Variants in BAIAP2L1 observed in about 807,000 individuals in gnomAD.
The protein encoded by BAIAP2L1 is BAR/IMD domain containing adaptor protein 2 like 1.
Under a neutral mutation model 66.3 loss-of-function variants are expected in BAIAP2L1, and 35 were observed. The observed-to-expected ratio is 0.53, with a 90% confidence interval of 0.40 to 0.70. The LOEUF is 0.70. BAIAP2L1 is among the 30% of genes least tolerant of loss of function. The pLI is 0.00. For missense variants in BAIAP2L1, 622 were observed against 656.9 expected (o/e 0.95, Z 0.58); for synonymous variants, 269 against 248.7 (o/e 1.08, Z -0.77).
chr7:98,343,692 C>T (rs971184479), intron 3 of BAIAP2L1, among the ~76,000 whole-genome samples: 1 of 152,078 alleles, frequency 6.6e-6, no homozygotes. Flanking sequence ...AAAAGGATAC[C>T]AAATCCCTCA....
In BAIAP2L1 at chr7:98,292,982, C is replaced by T. The variant is rs1800033493; in HGVS notation, c.*539G>A. On this transcript the variant is annotated 3_prime_UTR_variant, in exon 14 of 14. Coordinates refer to ENST00000005260, the MANE Select transcript of BAIAP2L1 (RefSeq NM_018842.5). ...AGGGAGGGTGGGGGTTTCTCCATCT[C>T]TGGAAGCTCTACACTTAAACATTTT... 8.3e-7 allele frequency: 1 copy of T among 1,198,388 alleles called. No individual in the cohort carries two copies. The allele number at this position is 1,198,388 out of a possible 1,614,324, so 74.2% of individuals were successfully genotyped here.
chr7:98,308,113 C>T (rs1427741350), intron 9 of BAIAP2L1: 6 of 674,584 alleles, frequency 8.9e-6, no homozygotes, highest in African/African-American at 1.8e-5. Context: ...AGGCATGCAC[C>T]GTGCAGAAGA....
At chr7:98,371,009 C>A (rs998880475) in intron 1 of BAIAP2L1, among the ~76,000 whole-genome samples, 2 of 152,088 alleles carry the variant, frequency 1.3e-5, no homozygotes, top group Non-Finnish European at 2.9e-5. Context: ...GTAGTTGAGG[C>A]AAAGGTCGGT....
At chr7:98,393,076 C>T (rs59854442) in intron 1 of BAIAP2L1, among the ~76,000 whole-genome samples, 96,126 of 127,568 alleles carry the variant, frequency 0.75, 37,778 homozygotes, top group Non-Finnish European at 0.81. Context: ...TATATGTATA[C>T]ACACACATAT....
rs982074230 is a variant in BAIAP2L1 at position 98,348,785 on chromosome 7, C to T, written c.214+6257G>A. On this transcript the variant is annotated intron_variant, in intron 3 of 13. Transcript: ENST00000005260. ...TCATTTCATCTAATGACCTGGAAGG[C>T]GTGGCTGTCACCTCCATGGTGAGTA... 6.6e-5 allele frequency among the ~76,000 whole-genome samples: 10 copies of T among 152,198 alleles called. No individual in the cohort carries two copies. The East Asian group carries it at 1.2e-3, about 18-fold the overall frequency.
intron 3 of BAIAP2L1, among the ~76,000 whole-genome samples, chr7:98,337,735 G>T (rs1180109687): frequency 6.6e-6 from 1 of 151,902 alleles, no homozygotes; most frequent in Admixed American, 6.6e-5. Context: ...GGCCAACATG[G>T]TGAAACCCCA....
At position 98,307,908 on chromosome 7, in the gene BAIAP2L1, A is replaced by G; in HGVS notation, c.956-12T>C. 1.2e-6 allele frequency: 2 copies of G among 1,613,832 alleles called. No homozygotes were observed. Among genetic ancestry groups the G allele is most frequent in the Non-Finnish European group, 1.7e-6 (2 of 1,179,720 alleles). Reference sequence around the variant, plus strand: ...ATCTTCGGAAGTACCTGTTGGAGGGAGTGTAGCAGTAATGGCTTTTCAAAG... The same window carrying G: ...ATCTTCGGAAGTACCTGTTGGAGGGGGTGTAGCAGTAATGGCTTTTCAAAG... On this transcript the variant is annotated splice_polypyrimidine_tract_variant and intron_variant, in intron 9 of 13. Transcript: ENST00000005260.
intron 3 of BAIAP2L1, among the ~76,000 whole-genome samples, chr7:98,326,510 G>A (rs750517534): frequency 1.3e-5 from 2 of 152,130 alleles, no homozygotes; most frequent in African/African-American, 2.4e-5. Flanking sequence ...CACAAGAGCC[G>A]GCTTGAAGGA....
In BAIAP2L1 at chr7:98,346,997, C is replaced by T. The variant is rs78237873; in HGVS notation, c.214+8045G>A. 8.1e-3 allele frequency among the ~76,000 whole-genome samples: 493 copies of T among 60,890 alleles called. 2 individuals are homozygous for T. The highest frequency in any genetic ancestry group is 0.062 in the Middle Eastern group (5 of 80). 39.9% of individuals were successfully genotyped at this position (60,890 alleles called of 152,430 possible). The stretch of plus-strand genomic sequence containing the variant: ...TTCAGGGAAAGCGATGCCAGCAAAA[C>T]AACAACAACAACAACAACAACAACA... On this transcript the variant is annotated intron_variant, in intron 3 of 13. Transcript: ENST00000005260.
At chr7:98,361,391 G>A (rs897661931) in intron 2 of BAIAP2L1, among the ~76,000 whole-genome samples, 8 of 151,612 alleles carry the variant, frequency 5.3e-5, no homozygotes, top group Admixed American at 1.3e-4. Flanking sequence ...AGAAAGAAGA[G>A]ATAAGAAGAT....
At chr7:98,398,275 T>C (rs1271421735) in intron 1 of BAIAP2L1, among the ~76,000 whole-genome samples, 1 of 152,148 alleles carries the variant, frequency 6.6e-6, no homozygotes, top group Admixed American at 6.6e-5. Context: ...AAGCTTAAAC[T>C]GTTTTCAGCT....
At position 98,304,391 on chromosome 7, in the gene BAIAP2L1, G is replaced by C. The variant is rs913882549; in HGVS notation, c.1242-15C>G. ...CTGGTGTGGGGCTCAAACCCAAAAAGGACACAGCACGTGTTAGATAATGTC... is the reference window on the plus strand; with the variant it reads ...CTGGTGTGGGGCTCAAACCCAAAAACGACACAGCACGTGTTAGATAATGTC... On this transcript the variant is annotated splice_polypyrimidine_tract_variant and intron_variant, in intron 11 of 13. Coordinates refer to ENST00000005260, the MANE Select transcript of BAIAP2L1 (RefSeq NM_018842.5). 6.2e-7 allele frequency: 1 copy of C among 1,613,264 alleles called. No individual in the cohort carries two copies. The highest frequency in any genetic ancestry group is 8.5e-7 in the Non-Finnish European group (1 of 1,179,636).
At chr7:98,398,325 A>G (rs1489363909) in intron 1 of BAIAP2L1, among the ~76,000 whole-genome samples, 1 of 152,170 alleles carries the variant, frequency 6.6e-6, no homozygotes, top group Non-Finnish European at 1.5e-5. Context: ...GGAAGAACCC[A>G]ATACAGGGGC....
At chr7:98,397,114 A>G (rs1454421755) in intron 1 of BAIAP2L1, among the ~76,000 whole-genome samples, 4 of 152,096 alleles carry the variant, frequency 2.6e-5, no homozygotes. Flanking sequence ...ATTCTAAGGT[A>G]GTGTTATGGG....
chr7:98,304,599 G>A (rs7802794), intron 11 of BAIAP2L1, among the ~76,000 whole-genome samples: 1 of 151,902 alleles, frequency 6.6e-6, no homozygotes, highest in African/African-American at 2.4e-5. Flanking sequence ...CCAGGCTGGA[G>A]TGCAATGACA....
At chr7:98,398,016 C>CT (rs1204795904) in intron 1 of BAIAP2L1, among the ~76,000 whole-genome samples, 1 of 152,160 alleles carries the variant, frequency 6.6e-6, no homozygotes, top group Non-Finnish European at 1.5e-5. Flanking sequence ...GATCATTCTA[C>CT]TTTATAATTC....
chr7:98,304,213 G>A lies in BAIAP2L1; in HGVS notation c.1405C>T (p.Pro469Ser). 6.2e-7 allele frequency: 1 copy of A among 1,605,250 alleles called. No individual in the cohort carries two copies. Among genetic ancestry groups the A allele is most frequent in the Non-Finnish European group, 8.5e-7 (1 of 1,175,562 alleles). Reference sequence around the variant, plus strand: ...TTACTCACAGGAGCCGCGGTCTCGGGCTTGGACGCTGGGGCCTTAAAGGTG... The same window carrying A: ...TTACTCACAGGAGCCGCGGTCTCGGACTTGGACGCTGGGGCCTTAAAGGTG... Reference protein sequence around the residue: ...TSTFKAPASKPETAAPNDANG... With the variant: ...TSTFKAPASKSETAAPNDANG... The change falls in exon 12 of 14, where the codon CCC (proline) becomes TCC (serine). Residue 469 changes from proline (P) to serine (S), a missense_variant. Coordinates refer to ENST00000005260, the MANE Select transcript of BAIAP2L1 (RefSeq NM_018842.5).
chr7:98,378,297 G>C (rs983693233), intron 1 of BAIAP2L1, among the ~76,000 whole-genome samples: 2 of 152,216 alleles, frequency 1.3e-5, no homozygotes, highest in African/African-American at 2.4e-5. Flanking sequence ...TTTAGCCTCA[G>C]TTCTCGTGTC....
At chr7:98,308,066 AG>A in intron 9 of BAIAP2L1, 170 bp from the exon 10 acceptor site, 1 of 735,324 alleles carries the variant, frequency 1.4e-6, no homozygotes, top group South Asian at 1.5e-5. Context: ...CAGAAGGAAC[AG>A]GGACTGTTGA....
Sources: gnomAD v4.1 joint callset for allele counts (sites outside exome capture counted in the v4.1 genomes callset) on GRCh38, gnomAD v4.1.1 for gene constraint, MANE v1.5 for transcripts, NCBI Gene and HGNC (gene_info 2026-07-23, HGNC 2026-07-21) for gene names.